The following CDH11 variants were observed in gnomAD, a reference collection of about 807,000 sequenced individuals.
CDH11 encodes the protein cadherin 11.
A neutral mutation model predicts 67.8 loss-of-function variants in CDH11; 11 were observed. That is an observed-to-expected ratio of 0.16 (90% CI 0.10 to 0.27). The LOEUF (loss-of-function observed/expected upper bound fraction) is 0.27. Among genes scored for constraint, CDH11 ranks in the 10% least tolerant of loss-of-function variants. The pLI is 1.00. For synonymous variants in CDH11, 419 were observed against 400.0 expected (o/e 1.05, Z -0.57); for missense variants, 847 against 1,031.2 (o/e 0.82, Z 2.45).
At chr16:64,954,583 C>T (rs1018275764) in intron 11 of CDH11, among the ~76,000 whole-genome samples, 1 of 152,108 alleles carries the variant, frequency 6.6e-6, no homozygotes, top group Admixed American at 6.5e-5. Context: ...TCCTCCAGGG[C>T]TGGTGAGCTG....
chr16:65,121,931 G>A lies in CDH11; in HGVS notation c.-349C>T. The A allele has an allele frequency of 1.4e-6, 1 of 701,930 alleles. No individual in the cohort carries two copies. Among genetic ancestry groups the A allele is most frequent in the Non-Finnish European group, 2.6e-6 (1 of 384,616 alleles). The allele number at this position is 701,930 out of a possible 1,614,324, so 43.5% of individuals were successfully genotyped here. ...CTCCGAGCCGCCAGTCCCTGGCGCA[G>A]GGCAAGCGCTGCGGTGTCAGTCCCG... On this transcript the variant is annotated 5_prime_UTR_variant, in exon 1 of 13. Coordinates refer to ENST00000268603, the MANE Select transcript of CDH11 (RefSeq NM_001797.4). This position sits in a 1 kb window ranked among gnomAD's most constrained non-coding sequence, Gnocchi z 4.1.
At chr16:64,986,779 T>C (rs901869694) in intron 7 of CDH11, 2 of 152,024 alleles carry the variant, frequency 1.3e-5, no homozygotes, top group African/African-American at 4.8e-5. Flanking sequence ...TATCCTTCAT[T>C]TTCTTTCTTT....
intron 1 of CDH11, among the ~76,000 whole-genome samples, chr16:65,084,497 T>TA (rs79619140): frequency 0.24 from 36,238 of 151,424 alleles, 5,275 homozygotes; most frequent in Middle Eastern, 0.36. Context: ...ATCTAAAGAT[T>TA]AAAAAAAAAT....
chr16:65,117,556 GC>G (rs929544171), intron 1 of CDH11, among the ~76,000 whole-genome samples: 7 of 152,142 alleles, frequency 4.6e-5, no homozygotes, highest in African/African-American at 1.7e-4. Flanking sequence ...TTTACTCTCT[GC>G]TAAAGTTAGG....
At chr16:65,062,944 C>T (rs1597148621) in intron 1 of CDH11, among the ~76,000 whole-genome samples, 1 of 152,194 alleles carries the variant, frequency 6.6e-6, no homozygotes, top group South Asian at 2.1e-4. Flanking sequence ...CTAGCGGGTG[C>T]TCTACATCCT....
intron 12 of CDH11, among the ~76,000 whole-genome samples, chr16:64,950,198 G>A (rs1244671786): frequency 1.3e-5 from 2 of 152,136 alleles, no homozygotes; most frequent in African/African-American, 4.8e-5. Context: ...CTAAGCAGGG[G>A]TAGGTGCAGG....
intron 2 of CDH11, among the ~76,000 whole-genome samples, chr16:65,014,186 T>C (rs2142556536): frequency 6.6e-6 from 1 of 152,154 alleles, no homozygotes. Context: ...AAACCAATAA[T>C]ACAATAGAGA....
intron 2 of CDH11, among the ~76,000 whole-genome samples, chr16:65,033,520 C>T (rs2073688566): frequency 6.6e-6 from 1 of 151,992 alleles, no homozygotes; most frequent in Non-Finnish European, 1.5e-5. Context: ...ACGGGTGGAT[C>T]ACGAGGTCAG....
chr16:64,964,498 G>A (rs2071756228), intron 11 of CDH11, among the ~76,000 whole-genome samples: 1 of 152,152 alleles, frequency 6.6e-6, no homozygotes, highest in Admixed American at 6.5e-5. Flanking sequence ...GAGTGAATGT[G>A]AAGGCCTAGG....
chr16:64,956,154 G>A (rs2071505057), intron 11 of CDH11, among the ~76,000 whole-genome samples: 1 of 152,118 alleles, frequency 6.6e-6, no homozygotes, highest in African/African-American at 2.4e-5. Flanking sequence ...AACAGACCTG[G>A]GTTTGAATCT....
At chr16:65,007,341 C>T (rs1272666642) in intron 2 of CDH11, among the ~76,000 whole-genome samples, 1 of 152,088 alleles carries the variant, frequency 6.6e-6, no homozygotes, top group African/African-American at 2.4e-5. Context: ...GGACTTGAAA[C>T]TCTTAATATT....
intron 2 of CDH11, among the ~76,000 whole-genome samples, chr16:65,045,640 G>A (rs186440041): frequency 4.6e-5 from 7 of 151,976 alleles, no homozygotes; most frequent in Non-Finnish European, 1.5e-5. Context: ...GGATAATTTG[G>A]GTTAGTAGCC....
chr16:65,098,860 G>T (rs1407954902), intron 1 of CDH11, among the ~76,000 whole-genome samples: 1 of 152,096 alleles, frequency 6.6e-6, no homozygotes, highest in East Asian at 1.9e-4. Context: ...TGTGGGGGAG[G>T]TGGGGCGTGT....
chr16:64,988,028 T>G, intron 7 of CDH11, 129 bp downstream of exon 7: 1 of 664,076 alleles, frequency 1.5e-6, no homozygotes. Context: ...AGAGCTCAAC[T>G]ACAAAGTCAG....
chr16:65,019,678 A>T (rs2073382612), intron 2 of CDH11, among the ~76,000 whole-genome samples: 1 of 152,128 alleles, frequency 6.6e-6, no homozygotes, highest in Non-Finnish European at 1.5e-5. Flanking sequence ...AAAAAGCCTC[A>T]TTATTCTGAC....
chr16:64,951,155 C>T (rs1419131472), intron 11 of CDH11, 137 bp from the exon 12 acceptor site: 1 of 846,698 alleles, frequency 1.2e-6, no homozygotes, highest in Non-Finnish European at 1.8e-6. Context: ...GTTCTTTCAT[C>T]TAAGTATCTG....
chr16:65,092,708 C>T (rs2074812569), intron 1 of CDH11, among the ~76,000 whole-genome samples: 1 of 151,524 alleles, frequency 6.6e-6, no homozygotes, highest in Admixed American at 6.6e-5. Context: ...TCACAGGTTC[C>T]TTGTCTCACC....
chr16:65,063,171 T>G (rs2074259928), intron 1 of CDH11, among the ~76,000 whole-genome samples: 1 of 152,216 alleles, frequency 6.6e-6, no homozygotes, highest in South Asian at 2.1e-4. Flanking sequence ...CTATTCTACC[T>G]CGATTTGTGA....
intron 2 of CDH11, among the ~76,000 whole-genome samples, chr16:65,041,317 C>G (rs1456774538): frequency 6.6e-6 from 1 of 151,932 alleles, no homozygotes; most frequent in Non-Finnish European, 1.5e-5. Flanking sequence ...CTTCCAAAGA[C>G]CAGCACATTT....
Sources: gnomAD v4.1 joint callset for allele counts (sites outside exome capture counted in the v4.1 genomes callset) on GRCh38, gnomAD v4.1.1 for gene constraint, Gnocchi (gnomAD v3.1) non-coding constraint, MANE v1.5 for transcripts, NCBI Gene and HGNC (gene_info 2026-07-23, HGNC 2026-07-21) for gene names.